Variants in STAC observed in about 807,000 individuals in gnomAD.
The protein encoded by STAC is SH3 and cysteine rich domain.
STAC carries 43 observed loss-of-function variants against 48.8 expected under a neutral mutation model. The ratio of observed to expected loss-of-function variants is 0.88; its 90% CI spans 0.69 to 1.14. STAC has a LOEUF of 1.14. STAC is among the 50% of genes most tolerant of loss of function. The probability of loss-of-function intolerance (pLI) is 0.00; values close to 1 mark genes in which losing one functional copy is unlikely to be tolerated. For synonymous variants in STAC, 193 were observed against 179.5 expected (o/e 1.07, Z -0.60); for missense variants, 497 against 504.0 (o/e 0.99, Z 0.13).
intron 1 of STAC, among the ~76,000 whole-genome samples, chr3:36,437,750 A>C (rs1317203520): frequency 2.6e-5 from 4 of 151,588 alleles, no homozygotes; most frequent in Non-Finnish European, 5.9e-5. Context: ...CACATTGTGC[A>C]CATGTACCCT....
At position 36,504,414 on chromosome 3, in the gene STAC, G is replaced by T. The variant is rs766090933; in HGVS notation, c.788G>T (p.Gly263Val). The change falls in exon 7 of 11, where the codon GGC becomes GTC. Residue 263 changes from glycine (G) to valine (V), a missense_variant. Physicochemically the swap from Gly to Val is moderately radical, Grantham distance 109 (BLOSUM62 -3). Coordinates refer to ENST00000273183, the MANE Select transcript of STAC (RefSeq NM_003149.3). Reference protein sequence around the residue: ...SNSVFTYPENGTDDFRDPAKN... With the variant: ...SNSVFTYPENVTDDFRDPAKN... ...TCAGTGTTTACATATCCAGAAAATG[G>T]CACTGATGATTTCAGAGATCCAGCG... 3 of 1,613,446 alleles carry T rather than the reference G, an allele frequency of 1.9e-6. No individual in the cohort carries two copies. The highest frequency in any genetic ancestry group is 2.5e-6 in the Non-Finnish European group (3 of 1,179,638).
chr3:36,444,692 G>A (rs1696458608), intron 2 of STAC, among the ~76,000 whole-genome samples: 2 of 152,306 alleles, frequency 1.3e-5, no homozygotes, highest in Non-Finnish European at 2.9e-5. Flanking sequence ...AGGACTGCAA[G>A]CCACCTGACA....
intron 1 of STAC, among the ~76,000 whole-genome samples, chr3:36,402,749 C>G (rs1700021644): frequency 6.6e-6 from 1 of 152,124 alleles, no homozygotes; most frequent in Admixed American, 6.5e-5. Flanking sequence ...GTAAAAGCCT[C>G]CATACATTGG....
intron 1 of STAC, among the ~76,000 whole-genome samples, chr3:36,440,937 T>G (rs1431473665): frequency 1.3e-5 from 2 of 152,234 alleles, no homozygotes; most frequent in Non-Finnish European, 2.9e-5. Flanking sequence ...TTTTCTCTTT[T>G]TAAATTACTT....
At chr3:36,464,929 G>C (rs1009753363) in intron 2 of STAC, among the ~76,000 whole-genome samples, 2 of 151,920 alleles carry the variant, frequency 1.3e-5, no homozygotes, top group African/African-American at 4.8e-5. Context: ...CTGTAAACAT[G>C]CATGTGCACG....
At chr3:36,455,037 A>T (rs539974687) in intron 2 of STAC, among the ~76,000 whole-genome samples, 1 of 152,328 alleles carries the variant, frequency 6.6e-6, no homozygotes, top group South Asian at 2.1e-4. Context: ...GACCCACAGA[A>T]ACATATTTTC....
At chr3:36,388,442 T>C (rs575830430) in intron 1 of STAC, among the ~76,000 whole-genome samples, 2 of 152,202 alleles carry the variant, frequency 1.3e-5, no homozygotes, top group South Asian at 4.2e-4. Context: ...TTGTCTTTTT[T>C]CAATTCTATT....
intron 8 of STAC, among the ~76,000 whole-genome samples, chr3:36,522,849 G>A (rs550604501): frequency 3.3e-5 from 5 of 152,136 alleles, no homozygotes; most frequent in Non-Finnish European, 7.3e-5. Flanking sequence ...GGCTGGGCGG[G>A]GGATGCCTCA....
chr3:36,401,262 AG>A (rs1699994381), intron 1 of STAC, among the ~76,000 whole-genome samples: 1 of 152,206 alleles, frequency 6.6e-6, no homozygotes, highest in South Asian at 2.1e-4. Context: ...TTTCCTTGGC[AG>A]GGATTTCACA....
intron 2 of STAC, among the ~76,000 whole-genome samples, chr3:36,473,551 G>T (rs989854772): frequency 6.6e-6 from 1 of 152,150 alleles, no homozygotes; most frequent in African/African-American, 2.4e-5. Flanking sequence ...CAGATGCACA[G>T]ACTGAGGCTC....
At chr3:36,391,699 G>T (rs956464973) in intron 1 of STAC, among the ~76,000 whole-genome samples, 1 of 152,132 alleles carries the variant, frequency 6.6e-6, no homozygotes, top group Admixed American at 6.5e-5. Flanking sequence ...TGAGCGGGGC[G>T]GGCTAAGCAG....
intron 1 of STAC, among the ~76,000 whole-genome samples, chr3:36,409,047 C>T (rs971434527): frequency 6.6e-6 from 1 of 152,154 alleles, no homozygotes; most frequent in Non-Finnish European, 1.5e-5. Flanking sequence ...ACACCAGCAA[C>T]AAAGTAGACA....
intron 10 of STAC, 71 bp from the exon 11 acceptor site, chr3:36,546,120 C>A: frequency 1.5e-6 from 2 of 1,305,224 alleles, no homozygotes; most frequent in South Asian, 1.2e-5. Context: ...AGCAGGGATT[C>A]AAGCTGCAGG....
intron 3 of STAC, 127 bp from the exon 4 acceptor site, chr3:36,484,850 T>G (rs2125700875): frequency 1.7e-6 from 1 of 595,070 alleles, no homozygotes; most frequent in Non-Finnish European, 2.8e-6. Flanking sequence ...ATAGGATAAG[T>G]CGGCATGTTA....
At chr3:36,411,133 C>T (rs1700185498) in intron 1 of STAC, among the ~76,000 whole-genome samples, 1 of 152,182 alleles carries the variant, frequency 6.6e-6, no homozygotes, top group African/African-American at 2.4e-5. Flanking sequence ...CCTCAAACCC[C>T]ACATCCAACC....
At chr3:36,499,589 T>C (rs1044178126) in intron 6 of STAC, among the ~76,000 whole-genome samples, 2 of 151,870 alleles carry the variant, frequency 1.3e-5, no homozygotes, top group African/African-American at 2.4e-5. Flanking sequence ...TTGGGACAAA[T>C]ACAAAATAAA....
chr3:36,392,509 T>C (rs1699771309), intron 1 of STAC, among the ~76,000 whole-genome samples: 1 of 151,968 alleles, frequency 6.6e-6, no homozygotes. Flanking sequence ...CCAGCTAATT[T>C]TTATTTATTT....
intron 1 of STAC, among the ~76,000 whole-genome samples, chr3:36,400,382 G>T (rs1190263350): frequency 1.3e-5 from 2 of 152,192 alleles, no homozygotes; most frequent in Non-Finnish European, 2.9e-5. Context: ...AAAATATAAT[G>T]TAAAGGAACA....
At chr3:36,488,866 TA>T (rs1443220503) in intron 5 of STAC, among the ~76,000 whole-genome samples, 1 of 152,058 alleles carries the variant, frequency 6.6e-6, no homozygotes, top group Non-Finnish European at 1.5e-5. Context: ...CTTCCCTAAT[TA>T]AAATCCTCTA....
Sources: allele counts gnomAD v4.1 joint callset (sites outside exome capture counted in the v4.1 genomes callset), GRCh38; gene constraint gnomAD v4.1.1; transcripts MANE v1.5; gene names NCBI Gene and HGNC (gene_info 2026-07-23, HGNC 2026-07-21).